Variants in CCDC102B observed in about 807,000 individuals in gnomAD.
The protein encoded by CCDC102B is coiled-coil domain-containing protein 102B.
A neutral mutation model predicts 57.4 loss-of-function variants in CCDC102B; 75 were observed. The ratio of observed to expected loss-of-function variants is 1.31; its 90% CI spans 1.08 to 1.58. The LOEUF is 1.58. Among genes scored for constraint, CCDC102B ranks in the 40% most tolerant of loss-of-function variants. The probability of loss-of-function intolerance (pLI) is 0.00; values close to 1 mark genes in which losing one functional copy is unlikely to be tolerated. For synonymous variants in CCDC102B, 206 were observed against 201.9 expected, an observed-to-expected ratio of 1.02 and a Z score of -0.17; for missense variants, 636 against 582.6, an observed-to-expected ratio of 1.09 and a Z score of -0.94.
intron 7 of CCDC102B, among the ~76,000 whole-genome samples, chr18:69,048,220 G>A (rs2052614376): frequency 6.6e-6 from 1 of 151,082 alleles, no homozygotes. Context: ...GTGTGTGTGT[G>A]TGTTTTTTTT....
At chr18:69,053,134 T>C (rs902951105) in intron 7 of CCDC102B, among the ~76,000 whole-genome samples, 3 of 151,830 alleles carry the variant, frequency 2.0e-5, no homozygotes, top group Non-Finnish European at 4.4e-5. Flanking sequence ...AGGGTAGGTA[T>C]ATATGTCATG....
At chr18:69,039,336 T>C (rs963226188) in intron 7 of CCDC102B, among the ~76,000 whole-genome samples, 7 of 152,008 alleles carry the variant, frequency 4.6e-5, no homozygotes, top group African/African-American at 1.7e-4. Context: ...CCAAAGTTAT[T>C]TTGTTTCTTG....
intron 2 of CCDC102B, among the ~76,000 whole-genome samples, chr18:68,764,917 C>T (rs1236344993): frequency 6.6e-6 from 1 of 151,334 alleles, no homozygotes; most frequent in Non-Finnish European, 1.5e-5. Flanking sequence ...CGTGGTGGCA[C>T]GGATCTGTAG....
At chr18:68,966,721 A>C (rs1239700611) in intron 6 of CCDC102B, among the ~76,000 whole-genome samples, 1 of 152,100 alleles carries the variant, frequency 6.6e-6, no homozygotes, top group Non-Finnish European at 1.5e-5. Flanking sequence ...ATTCTGATTA[A>C]GCCTCTGTTG....
intron 7 of CCDC102B, among the ~76,000 whole-genome samples, chr18:69,053,616 T>C (rs947314901): frequency 4.6e-5 from 7 of 151,882 alleles, no homozygotes; most frequent in Admixed American, 3.9e-4. Context: ...ACACTACTGG[T>C]AAGTTACTGT....
intron 4 of CCDC102B, among the ~76,000 whole-genome samples, chr18:68,865,278 G>C (rs569405803): frequency 6.6e-6 from 1 of 152,170 alleles, no homozygotes; most frequent in South Asian, 2.1e-4. Context: ...TTCGCAAATA[G>C]ATGCTGATCT....
intron 4 of CCDC102B, among the ~76,000 whole-genome samples, chr18:68,864,545 T>A (rs2144893148): frequency 6.6e-6 from 1 of 152,172 alleles, no homozygotes; most frequent in South Asian, 2.1e-4. Flanking sequence ...CATCATATTA[T>A]TTATTGTTTT....
chr18:68,846,284 TTTTTTC>T (rs1489781354), intron 3 of CCDC102B, 23 bp from the exon 4 acceptor site: 2 of 1,405,592 alleles, frequency 1.4e-6, no homozygotes, highest in African/African-American at 3.0e-5. Flanking sequence ...GAAGCCGACT[TTTTTTC>T]TTTTAATTCT....
At chr18:69,048,891 C>T (rs2052630266) in intron 7 of CCDC102B, among the ~76,000 whole-genome samples, 1 of 151,880 alleles carries the variant, frequency 6.6e-6, no homozygotes, top group Non-Finnish European at 1.5e-5. Flanking sequence ...ATATTTCTTG[C>T]AATTTTATTT....
chr18:68,987,226 T>C (rs1453873857), intron 6 of CCDC102B, among the ~76,000 whole-genome samples: 3 of 152,216 alleles, frequency 2.0e-5, no homozygotes, highest in South Asian at 4.1e-4. Context: ...AACAGACACA[T>C]TGACCAATGG....
At chr18:68,825,800 G>A (rs2036883916) in intron 1 of CCDC102B, among the ~76,000 whole-genome samples, 1 of 152,248 alleles carries the variant, frequency 6.6e-6, no homozygotes. Flanking sequence ...ATCATGCAAT[G>A]AATTAAATGC....
At chr18:68,911,648 A>C (rs555341147) in intron 6 of CCDC102B, among the ~76,000 whole-genome samples, 2,523 of 144,300 alleles carry the variant, frequency 0.017, 97 homozygotes, top group African/African-American at 0.062. Context: ...GCTACTCGAG[A>C]GGCTGAGGCA....
intron 7 of CCDC102B, among the ~76,000 whole-genome samples, chr18:69,036,391 C>T (rs1401043088): frequency 3.3e-5 from 5 of 151,920 alleles, no homozygotes; most frequent in Non-Finnish European, 5.9e-5. Flanking sequence ...GGAATCTACC[C>T]AGATTTTAGC....
Position 69,008,529 on chromosome 18 carries a change from A to T in CCDC102B, c.1264-2405A>T, listed in dbSNP as rs12456083. ...TGAAGGGGCAGGATTTGCAGGACAGAAACTAAAAATGTCCCCTTCATTTGA... is the reference window on the plus strand; with the variant it reads ...TGAAGGGGCAGGATTTGCAGGACAGTAACTAAAAATGTCCCCTTCATTTGA... On this transcript the variant is annotated intron_variant, in intron 6 of 7. Coordinates refer to ENST00000360242, the MANE Select transcript of CCDC102B (RefSeq NM_024781.3). 9.6e-3 allele frequency among the ~76,000 whole-genome samples: 1,462 copies of T among 152,324 alleles called. 39 individuals carry two copies. Among genetic ancestry groups the T allele is most frequent in the Admixed American group, 0.06 (917 of 15,304 alleles).
intron 2 of CCDC102B, among the ~76,000 whole-genome samples, chr18:68,726,331 GCTAA>G (rs2032593012): frequency 6.6e-6 from 1 of 152,166 alleles, no homozygotes; most frequent in African/African-American, 2.4e-5. Context: ...AATTTGAAAT[GCTAA>G]CTAACATATG....
intron 2 of CCDC102B, among the ~76,000 whole-genome samples, chr18:68,731,546 G>A (rs1262536969): frequency 1.3e-5 from 2 of 151,912 alleles, no homozygotes; most frequent in Admixed American, 1.3e-4. Flanking sequence ...TTGCATATTA[G>A]GTTGGTCCCA....
chr18:68,845,190 T>G (rs1294924706), intron 3 of CCDC102B, among the ~76,000 whole-genome samples: 1 of 151,902 alleles, frequency 6.6e-6, no homozygotes, highest in Non-Finnish European at 1.5e-5. Context: ...TACTTTGAAT[T>G]ATCATAGTAT....
At chr18:68,883,935 T>G (rs549385736) in intron 5 of CCDC102B, among the ~76,000 whole-genome samples, 3 of 152,262 alleles carry the variant, frequency 2.0e-5, no homozygotes, top group Non-Finnish European at 4.4e-5. Flanking sequence ...AATTAACATC[T>G]AAAAATTTCC....
chr18:68,810,661 ATTTTC>A (rs796131127), intron 1 of CCDC102B, among the ~76,000 whole-genome samples: 36 of 105,110 alleles, frequency 3.4e-4, no homozygotes, highest in East Asian at 1.6e-3. Flanking sequence ...GTTTTGAAAA[ATTTTC>A]TTTTCTTTTC....
Sources: allele counts gnomAD v4.1 joint callset (sites outside exome capture counted in the v4.1 genomes callset), GRCh38; gene constraint gnomAD v4.1.1; transcripts MANE v1.5; gene names NCBI Gene and HGNC (gene_info 2026-07-23, HGNC 2026-07-21).